RBPJ: variants seen among roughly 807,000 people sequenced by gnomAD.
RBPJ encodes the protein recombining binding protein suppressor of hairless.
Under a neutral mutation model 67.8 loss-of-function variants are expected in RBPJ, and 9 were observed. The observed-to-expected ratio is 0.13, with a 90% CI of 0.08 to 0.23. RBPJ has a LOEUF of 0.23. RBPJ is among the 10% of genes least tolerant of loss of function. The pLI, the probability that RBPJ is intolerant of heterozygous loss-of-function variation, is 1.00. For missense variants in RBPJ, 305 were observed against 595.6 expected, an observed-to-expected ratio of 0.51 and a Z score of 5.08; for synonymous variants, 198 against 203.3, an observed-to-expected ratio of 0.97 and a Z score of 0.22.
chr4:26,185,182 C>G (rs1717196240), intron 1 of RBPJ, among the ~76,000 whole-genome samples: 1 of 113,348 alleles, frequency 8.8e-6, no homozygotes, highest in Admixed American at 8.7e-5. Context: ...TGTTTTGCAT[C>G]AAGGAGGGAT....
the RBPJ span, among the ~76,000 whole-genome samples, chr4:26,109,425 C>CCTCTCTCTCTCTCT: frequency 8.7e-5 from 2 of 22,892 alleles, 1 homozygote; most frequent in East Asian, 1.6e-3. Context: ...TCTCTCTCTC[C>CCTCTCTCTCTCTCT]CTCTCTCTCT....
Position 26,322,514 on chromosome 4 carries a change from T to C in RBPJ, c.20+1466T>C, listed in dbSNP as rs932901054. 1.1e-4 allele frequency among the ~76,000 whole-genome samples: 16 copies of C among 152,152 alleles called. 1 individual carries two copies. Among genetic ancestry groups the C allele is most frequent in the African/African-American group, 3.9e-4 (16 of 41,436 alleles). On this transcript the variant is annotated intron_variant, in intron 1 of 10. Transcript: ENST00000355476. ...TATGTGCTTTTTGCTGCCCTGTAGATGCGTGACAACCCTTCTGTCCCATCA... is the reference window on the plus strand; with the variant it reads ...TATGTGCTTTTTGCTGCCCTGTAGACGCGTGACAACCCTTCTGTCCCATCA...
chr4:26,127,503 A>G, the RBPJ span, among the ~76,000 whole-genome samples: 1 of 152,204 alleles, frequency 6.6e-6, no homozygotes, highest in African/African-American at 2.4e-5. Flanking sequence ...TTTGGTAGGC[A>G]TCAGGCATGA....
upstream of RBPJ, among the ~76,000 whole-genome samples, chr4:26,161,629 A>G (rs76162797): frequency 0.012 from 1,859 of 152,328 alleles, 37 homozygotes; most frequent in African/African-American, 0.042. Flanking sequence ...GCTGCCACCT[A>G]TAGCCAGAAG....
intron 1 of RBPJ, among the ~76,000 whole-genome samples, chr4:26,304,969 A>G (rs1577407844): frequency 1.3e-5 from 2 of 152,038 alleles, no homozygotes; most frequent in Admixed American, 1.3e-4. Context: ...TGAGTTTTAT[A>G]GCTTTGGTTT....
intron 1 of RBPJ, among the ~76,000 whole-genome samples, chr4:26,352,912 A>G (rs1726957829): frequency 6.6e-6 from 1 of 152,244 alleles, no homozygotes; most frequent in Admixed American, 6.5e-5. Context: ...AGCCTTCATC[A>G]TTAATCCATT....
intron 1 of RBPJ, among the ~76,000 whole-genome samples, chr4:26,331,708 A>C (rs1724284520): frequency 6.6e-6 from 1 of 152,064 alleles, no homozygotes; most frequent in African/African-American, 2.4e-5. Context: ...ACACCTCCTT[A>C]TCCACTCTGC....
chr4:26,375,799 G>A (rs372686604), intron 1 of RBPJ, among the ~76,000 whole-genome samples: 15 of 152,318 alleles, frequency 9.8e-5, no homozygotes, highest in Middle Eastern at 3.4e-3. Flanking sequence ...TCAGGGGAAA[G>A]GGATGCTTGC....
intron 1 of RBPJ, among the ~76,000 whole-genome samples, chr4:26,357,605 T>G (rs893041765): frequency 6.6e-5 from 10 of 152,228 alleles, no homozygotes; most frequent in Non-Finnish European, 1.5e-4. Context: ...ATTTAAACAA[T>G]TTTAAATTGT....
intron 1 of RBPJ, among the ~76,000 whole-genome samples, chr4:26,228,270 A>G (rs1232640949): frequency 1.3e-5 from 2 of 152,060 alleles, no homozygotes; most frequent in Non-Finnish European, 2.9e-5. Context: ...CCATTTTGCC[A>G]TTTTCTCTAG....
In RBPJ at chr4:26,240,130, A is replaced by G. The variant is rs188081683; in HGVS notation, c.-167+76516A>G. 4.9e-3 allele frequency among the ~76,000 whole-genome samples: 740 copies of G among 152,268 alleles called. 8 individuals are homozygous for G. The highest frequency in any genetic ancestry group is 0.017 in the African/African-American group (697 of 41,540). On this transcript the variant is annotated intron_variant, in intron 1 of 4. Coordinates refer to the RBPJ transcript ENST00000512351. ...AAATAATACAGAATGCCCAATTAAC[A>G]CTGAATTTCAGATAAATCACAAATA...
chr4:26,185,809 C>T (rs1717226359), intron 1 of RBPJ, among the ~76,000 whole-genome samples: 1 of 152,168 alleles, frequency 6.6e-6, no homozygotes, highest in Admixed American at 6.5e-5. Context: ...TCTATAATCC[C>T]AGCACTTTGG....
intron 1 of RBPJ, among the ~76,000 whole-genome samples, chr4:26,339,565 C>T (rs1485141007): frequency 3.9e-5 from 6 of 152,072 alleles, no homozygotes; most frequent in Admixed American, 6.6e-5. Context: ...ATCTGGGAGG[C>T]GGAGTTTGCA....
chr4:26,371,786 A>G (rs544075405), intron 1 of RBPJ, among the ~76,000 whole-genome samples: 2 of 152,364 alleles, frequency 1.3e-5, no homozygotes, highest in East Asian at 3.9e-4. Context: ...TGAAACATTA[A>G]ATAATGATAG....
At chr4:26,286,981 T>G (rs1297702367) in intron 1 of RBPJ, among the ~76,000 whole-genome samples, 1 of 152,014 alleles carries the variant, frequency 6.6e-6, no homozygotes, top group East Asian at 1.9e-4. Flanking sequence ...TAGACGGGGT[T>G]TCTCCATGTT....
chr4:26,119,352 T>C, the RBPJ span, among the ~76,000 whole-genome samples: 1 of 152,170 alleles, frequency 6.6e-6, no homozygotes, highest in Non-Finnish European at 1.5e-5. Flanking sequence ...ACAGTTCCAA[T>C]CCCTTCATTG....
chr4:26,188,971 T>C (rs1258896041), intron 1 of RBPJ, among the ~76,000 whole-genome samples: 1 of 152,248 alleles, frequency 6.6e-6, no homozygotes, highest in Non-Finnish European at 1.5e-5. Flanking sequence ...AATTATGTTA[T>C]CTATGAAGCC....
At chr4:26,221,152 G>C (rs1033429588) in intron 1 of RBPJ, among the ~76,000 whole-genome samples, 7 of 152,080 alleles carry the variant, frequency 4.6e-5, no homozygotes, top group African/African-American at 7.2e-5. Context: ...GTGCGGTGGC[G>C]CGATCTCGGC....
intron 1 of RBPJ, among the ~76,000 whole-genome samples, chr4:26,285,797 G>A (rs540369100): frequency 2.0e-5 from 3 of 150,794 alleles, no homozygotes; most frequent in South Asian, 2.1e-4. Flanking sequence ...AGAAATTCTC[G>A]AGCCATCCCT....
Sources: gnomAD v4.1 joint callset for allele counts (sites outside exome capture counted in the v4.1 genomes callset) on GRCh38, gnomAD v4.1.1 for gene constraint, MANE v1.5 for transcripts, NCBI Gene and HGNC (gene_info 2026-07-23, HGNC 2026-07-21) for gene names.